IDE: variants seen among roughly 807,000 people sequenced by gnomAD.
IDE encodes the protein insulin-degrading enzyme.
In IDE, 58 loss-of-function variants were observed where a neutral mutation model predicts 133.2. The ratio of observed to expected loss-of-function variants is 0.44; its 90% CI spans 0.35 to 0.54. The LOEUF is 0.54. IDE is among the 20% of genes least tolerant of loss of function. The pLI, the probability that IDE is intolerant of heterozygous loss-of-function variation, is 0.00. For missense variants in IDE, 981 were observed against 1,234.0 expected (o/e 0.79, Z 3.07); for synonymous variants, 396 against 421.3 (o/e 0.94, Z 0.73).
intron 5 of IDE, among the ~76,000 whole-genome samples, chr10:92,511,061 T>G (rs1483888915): frequency 6.7e-6 from 1 of 149,766 alleles, no homozygotes; most frequent in African/African-American, 2.5e-5. Context: ...CAAATTACTA[T>G]TATCCTAAAA....
intron 1 of IDE, among the ~76,000 whole-genome samples, chr10:92,569,559 C>T (rs942824259): frequency 9.2e-5 from 14 of 152,014 alleles, no homozygotes; most frequent in African/African-American, 3.4e-4. Flanking sequence ...ATGAAAGACT[C>T]AGGAGGATTG....
chr10:92,569,012 AT>A (rs1843675969), intron 1 of IDE, among the ~76,000 whole-genome samples: 2 of 152,198 alleles, frequency 1.3e-5, no homozygotes, highest in South Asian at 4.1e-4. Flanking sequence ...GAGTAAAAAA[AT>A]AAGAGGCAAT....
intron 14 of IDE, chr10:92,479,651 G>A (rs572186668): frequency 2.0e-4 from 81 of 407,342 alleles, no homozygotes; most frequent in African/African-American, 1.2e-3. Flanking sequence ...GTGTGCGTGC[G>A]CACTGGTAGT....
intron 11 of IDE, among the ~76,000 whole-genome samples, chr10:92,491,897 C>G (rs1262057424): frequency 6.6e-6 from 1 of 152,242 alleles, no homozygotes; most frequent in South Asian, 2.1e-4. Context: ...AGGTGTCAGC[C>G]ACTGTGCCCA....
At chr10:92,503,161 G>A (rs1848114321) in intron 11 of IDE, among the ~76,000 whole-genome samples, 1 of 152,122 alleles carries the variant, frequency 6.6e-6, no homozygotes, top group Middle Eastern at 3.2e-3. Context: ...TGGGCACAGT[G>A]GCTCACGACG....
chr10:92,487,122 A>G, intron 13 of IDE, 74 bp downstream of exon 13: 1 of 1,424,200 alleles, frequency 7.0e-7, no homozygotes, highest in South Asian at 1.3e-5. Flanking sequence ...ACCAAATGTA[A>G]GAAATCATTT....
chr10:92,553,756 C>T (rs1333115104), intron 1 of IDE, among the ~76,000 whole-genome samples: 2 of 152,090 alleles, frequency 1.3e-5, no homozygotes, highest in Non-Finnish European at 2.9e-5. Context: ...AATTCCTAGA[C>T]ACATACAACC....
At chr10:92,507,355 A>G (rs181739342) in intron 9 of IDE, among the ~76,000 whole-genome samples, 23 of 152,286 alleles carry the variant, frequency 1.5e-4, no homozygotes, top group African/African-American at 4.8e-4. Flanking sequence ...CCATCCTAAA[A>G]AGGGCTACAC....
rs369856245 is a variant in IDE at position 92,482,937 on chromosome 10, T to C, written c.1739+318A>G. 2.1e-3 allele frequency among the ~76,000 whole-genome samples: 325 copies of C among 152,088 alleles called. 2 individuals are homozygous for C. Among genetic ancestry groups the C allele is most frequent in the African/African-American group, 7.7e-3 (318 of 41,540 alleles). On this transcript the variant is annotated intron_variant, in intron 14 of 24. Coordinates refer to ENST00000265986, the MANE Select transcript of IDE (RefSeq NM_004969.4). ...CTGGGACTACAGGCACCCACCACCA[T>C]GCCCGGCTAATTTTTTGTATTTTTA...
In IDE at chr10:92,485,755, C is replaced by T. The variant is rs369978487; in HGVS notation, c.1656+1441G>A. 3.3e-5 allele frequency among the ~76,000 whole-genome samples: 5 copies of T among 152,152 alleles called. No individual in the cohort carries two copies. The East Asian group carries it at 5.8e-4, about 18-fold the overall frequency. ...GCCAGGAGTTCTAGACCAGCCCAGG[C>T]AACATAGCAAGATCCCATCTCTACA... On this transcript the variant is annotated intron_variant, in intron 13 of 24. Coordinates refer to ENST00000265986, the MANE Select transcript of IDE (RefSeq NM_004969.4).
intron 4 of IDE, among the ~76,000 whole-genome samples, chr10:92,524,366 T>A (rs1167424199): frequency 5.9e-5 from 2 of 34,146 alleles, no homozygotes; most frequent in Non-Finnish European, 9.3e-5. Flanking sequence ...TTTTATATTA[T>A]AATATATATT....
chr10:92,495,086 C>T (rs1174625521), intron 11 of IDE, among the ~76,000 whole-genome samples: 4 of 150,650 alleles, frequency 2.7e-5, no homozygotes, highest in East Asian at 1.9e-4. Flanking sequence ...TTTTTTGAGA[C>T]GGAGTCTTGC....
At chr10:92,540,653 A>C (rs1033524014) in intron 1 of IDE, among the ~76,000 whole-genome samples, 3 of 152,162 alleles carry the variant, frequency 2.0e-5, no homozygotes, top group Non-Finnish European at 4.4e-5. Flanking sequence ...CAAATGACTG[A>C]AATGTAATAA....
rs772369342 is a variant in IDE at position 92,455,599 on chromosome 10, A to G, written c.2941T>C (p.Ser981Pro). The part of the protein sequence containing the change: ...EFPCQNDINL[S>P]QAPALPQPEV... Reference sequence around the variant, plus strand: ...ACTTGTGGCAAGGCTGGTGCTTGTGACAAATTTATGTCATTTTGACATGGG... The same window carrying G: ...ACTTGTGGCAAGGCTGGTGCTTGTGGCAAATTTATGTCATTTTGACATGGG... Residue 981 changes from serine to proline, a missense_variant, in exon 24 of 25, where the codon TCA (serine) becomes CCA (proline). Around this residue, in one of 2 missense-constraint regions of IDE, gnomAD observed 660 missense variants for 894.7 expected, o/e 0.74. Coordinates refer to ENST00000265986, the MANE Select transcript of IDE (RefSeq NM_004969.4). 7.5e-6 allele frequency: 12 copies of G among 1,602,132 alleles called. No individual in the cohort carries two copies. The highest frequency in any genetic ancestry group is 4.4e-5 in the South Asian group (4 of 90,818).
At chr10:92,527,745 G>GGTGGCTA (rs1327810549) in intron 4 of IDE, among the ~76,000 whole-genome samples, 14 of 152,144 alleles carry the variant, frequency 9.2e-5, no homozygotes, top group African/African-American at 3.4e-4. Context: ...GGCCGGGCAC[G>GGTGGCTA]GTGGCTAATG....
rs577864957 is a variant in IDE, at chr10:92,536,743, T to A, written c.283+623A>T. On this transcript the variant is annotated intron_variant, in intron 2 of 24. Coordinates refer to ENST00000265986, the MANE Select transcript of IDE (RefSeq NM_004969.4). ...AAAGAAATGTGCACACAAGAACCTA[T>A]GAAATATGGTATTAGGCCAGGCACG... 9.8e-5 allele frequency among the ~76,000 whole-genome samples: 14 copies of A among 142,152 alleles called. No individual in the cohort carries two copies. The South Asian group carries it at 3.1e-3, about 32-fold the overall frequency. 93.3% of individuals were successfully genotyped at this position (142,152 alleles called of 152,430 possible).
Position 92,508,121 on chromosome 10 carries a change from TC to T in IDE, c.1144del (p.Glu382LysfsTer9). 6.2e-7 allele frequency: 1 copy of T among 1,609,580 alleles called. No individual in the cohort carries two copies. Among genetic ancestry groups the T allele is most frequent in the Non-Finnish European group, 8.5e-7 (1 of 1,176,848 alleles). ...GGTGAATCAATACTTACATAATCCT[TC>T]CTCGGTCAAGTCCACATTAATGATA... ...FFIINVDLTE[E>X]GLLHVEDIIL... On this transcript the variant is annotated frameshift_variant, in exon 8 of 25. Coordinates refer to ENST00000265986, the MANE Select transcript of IDE (RefSeq NM_004969.4). LOFTEE classifies it high-confidence loss of function.
rs776175121 is a variant in IDE, at chr10:92,454,478, T to C, written c.3026A>G (p.Lys1009Arg). The C allele has an allele frequency of 5.0e-6, 8 of 1,613,706 alleles. No homozygotes were observed. Among genetic ancestry groups the C allele is most frequent in the Non-Finnish European group, 5.9e-6 (7 of 1,179,674 alleles). ...KRGLPLFPLV[K>R]PHINFMAAKL ...TGCAGCCATGAAGTTAATATGTGGT[T>C]TCACAAGGGGAAACAGTGGCAGACC... Residue 1009 changes from lysine (K) to arginine (R), a missense_variant, in exon 25 of 25, where the codon AAA becomes AGA. Lys to Arg is a conservative substitution (Grantham distance 26, BLOSUM62 2). Around this residue, in one of 2 missense-constraint regions of IDE, gnomAD observed 660 missense variants for 894.7 expected, o/e 0.74. Coordinates refer to ENST00000265986, the MANE Select transcript of IDE (RefSeq NM_004969.4).
intron 11 of IDE, among the ~76,000 whole-genome samples, chr10:92,500,176 A>G (rs980520335): frequency 6.6e-6 from 1 of 152,100 alleles, no homozygotes; most frequent in African/African-American, 2.4e-5. Flanking sequence ...GCGTGCCTGT[A>G]ATCCCAGCTA....
Sources: gnomAD v4.1 joint callset for allele counts (sites outside exome capture counted in the v4.1 genomes callset) on GRCh38, gnomAD v4.1.1 for gene constraint, gnomAD v4.1.1 regional missense constraint, MANE v1.5 for transcripts, NCBI Gene and HGNC (gene_info 2026-07-23, HGNC 2026-07-21) for gene names.